GALNT13: variants seen among roughly 807,000 people sequenced by gnomAD.
GALNT13 encodes UDP-GalNAc:polypeptide N-acetylgalactosaminyltransferase 13.
A neutral mutation model predicts 64.2 loss-of-function variants in GALNT13; 28 were observed. The ratio of observed to expected loss-of-function variants is 0.44; its 90% CI spans 0.32 to 0.60. The LOEUF (loss-of-function observed/expected upper bound fraction) is 0.60, where lower values mean the gene tolerates loss of function less well. Ranked by LOEUF, GALNT13 falls within the 20% of genes least tolerant of loss-of-function variation. The pLI is 0.05. For synonymous variants in GALNT13, 214 were observed against 224.6 expected (o/e 0.95, Z 0.42); for missense variants, 577 against 669.8 (o/e 0.86, Z 1.53).
intron 8 of GALNT13, among the ~76,000 whole-genome samples, chr2:154,289,521 T>A (rs570266663): frequency 6.6e-6 from 1 of 152,190 alleles, no homozygotes; most frequent in East Asian, 1.9e-4. Context: ...AACTCCCCTT[T>A]ATAAAACCAT....
At chr2:154,110,396 G>C (rs1424798546) in intron 3 of GALNT13, among the ~76,000 whole-genome samples, 2 of 137,548 alleles carry the variant, frequency 1.5e-5, no homozygotes, top group Admixed American at 7.3e-5. Flanking sequence ...GAGAGAGAGA[G>C]AGAGACAGAG....
At chr2:153,300,711 C>G in the GALNT13 span, among the ~76,000 whole-genome samples, 27 of 152,130 alleles carry the variant, frequency 1.8e-4, no homozygotes, top group African/African-American at 6.3e-4. Context: ...AGTCATCTCT[C>G]TAGACCCACA....
chr2:153,850,683 A>G, the GALNT13 span, among the ~76,000 whole-genome samples: 36,191 of 152,118 alleles, frequency 0.24, 4,602 homozygotes, highest in Non-Finnish European at 0.27. Flanking sequence ...GTAAAGATTG[A>G]GCATGCTTAA....
the GALNT13 span, among the ~76,000 whole-genome samples, chr2:153,693,329 C>T: frequency 2.0e-4 from 30 of 152,050 alleles, no homozygotes; most frequent in Admixed American, 1.4e-3. Flanking sequence ...GAATCGTATT[C>T]GGATTTAGCC....
chr2:153,776,694 AAAGACTGTCACCTTCTAT>A, the GALNT13 span, among the ~76,000 whole-genome samples: 1 of 152,336 alleles, frequency 6.6e-6, no homozygotes, highest in Non-Finnish European at 1.5e-5. Context: ...TTTTTTAAAA[AAAGACTGTCACCTTCTAT>A]AACAATCTTT....
At chr2:154,138,730 A>G (rs1049282612) in intron 3 of GALNT13, among the ~76,000 whole-genome samples, 5 of 152,052 alleles carry the variant, frequency 3.3e-5, no homozygotes, top group Admixed American at 1.3e-4. Context: ...TTTTAATCTT[A>G]CAAATGAAAG....
At chr2:153,262,193 T>C in the GALNT13 span, among the ~76,000 whole-genome samples, 1 of 152,130 alleles carries the variant, frequency 6.6e-6, no homozygotes, top group Non-Finnish European at 1.5e-5. Context: ...CCAGCAGAAC[T>C]CTCAGTCTCA....
At chr2:153,740,822 C>T in the GALNT13 span, among the ~76,000 whole-genome samples, 6 of 152,074 alleles carry the variant, frequency 3.9e-5, no homozygotes, top group African/African-American at 7.2e-5. Flanking sequence ...GTTCATTTTC[C>T]GTCAGGTACT....
intron 12 of GALNT13, among the ~76,000 whole-genome samples, chr2:154,449,490 A>T (rs1022523377): frequency 4.0e-5 from 6 of 150,138 alleles, no homozygotes; most frequent in South Asian, 4.2e-4. Context: ...CAAAAAAAAA[A>T]GTATCTAGAG....
chr2:154,176,504 G>A, intron 4 of GALNT13, among the ~76,000 whole-genome samples: 1 of 151,784 alleles, frequency 6.6e-6, no homozygotes, highest in East Asian at 1.9e-4. Flanking sequence ...TGCCTGCCTT[G>A]GCCTCCCAAA....
chr2:153,476,130 C>T, the GALNT13 span, among the ~76,000 whole-genome samples: 1 of 152,164 alleles, frequency 6.6e-6, no homozygotes, highest in Admixed American at 6.5e-5. Context: ...TTTTCTCAAT[C>T]CTGATATCCA....
intron 3 of GALNT13, among the ~76,000 whole-genome samples, chr2:154,092,273 C>T (rs566875716): frequency 2.4e-4 from 36 of 151,902 alleles, no homozygotes; most frequent in African/African-American, 8.2e-4. Flanking sequence ...AATTGCTGTA[C>T]GTTGCTGTCT....
the GALNT13 span, among the ~76,000 whole-genome samples, chr2:153,792,545 G>C: frequency 6.6e-6 from 1 of 152,060 alleles, no homozygotes; most frequent in Non-Finnish European, 1.5e-5. Context: ...TTTAATTTGG[G>C]ATTATATTTT....
At chr2:154,149,138 C>T (rs1045053813) in intron 4 of GALNT13, among the ~76,000 whole-genome samples, 1 of 152,152 alleles carries the variant, frequency 6.6e-6, no homozygotes, top group Non-Finnish European at 1.5e-5. Flanking sequence ...TTTCAGCTTT[C>T]TACATATGGC....
At chr2:153,362,499 C>CACAT in the GALNT13 span, among the ~76,000 whole-genome samples, 1 of 127,416 alleles carries the variant, frequency 7.8e-6, no homozygotes, top group Non-Finnish European at 1.6e-5. Context: ...TGTGCAAGGA[C>CACAT]ACATAGGCTG....
chr2:153,618,606 A>G, the GALNT13 span, among the ~76,000 whole-genome samples: 80,639 of 151,596 alleles, frequency 0.53, 23,851 homozygotes, highest in African/African-American at 0.81. Context: ...TCTGTCCAAC[A>G]CTGAAATTGG....
At chr2:153,414,405 A>G in the GALNT13 span, among the ~76,000 whole-genome samples, 3 of 151,852 alleles carry the variant, frequency 2.0e-5, no homozygotes, top group Non-Finnish European at 4.4e-5. Flanking sequence ...AATAAAATAA[A>G]AAGTTACAGT....
the GALNT13 span, among the ~76,000 whole-genome samples, chr2:153,776,537 A>G: frequency 4.6e-5 from 7 of 152,202 alleles, no homozygotes; most frequent in Non-Finnish European, 8.8e-5. Flanking sequence ...TAAAATGTCA[A>G]TTCCAACAAA....
At chr2:153,216,755 T>TA in the GALNT13 span, among the ~76,000 whole-genome samples, 1 of 152,054 alleles carries the variant, frequency 6.6e-6, no homozygotes, top group Non-Finnish European at 1.5e-5. Context: ...GGCTTATTTT[T>TA]AAAAAATTCT....
Sources: gnomAD v4.1 joint callset for allele counts (sites outside exome capture counted in the v4.1 genomes callset) on GRCh38, gnomAD v4.1.1 for gene constraint, MANE v1.5 for transcripts, NCBI Gene and HGNC (gene_info 2026-07-23, HGNC 2026-07-21) for gene names.